Variants in CHCHD3 observed in about 807,000 individuals in gnomAD.
CHCHD3 encodes coiled-coil-helix-coiled-coil-helix domain containing 3.
Under a neutral mutation model 38.2 loss-of-function variants are expected in CHCHD3, and 20 were observed. That is an observed-to-expected ratio of 0.52 (90% CI 0.37 to 0.76). CHCHD3 has a LOEUF of 0.76. CHCHD3 is among the 30% of genes least tolerant of loss of function. The pLI, the probability that CHCHD3 is intolerant of heterozygous loss-of-function variation, is 0.00. For missense variants in CHCHD3, 245 were observed against 279.2 expected, an observed-to-expected ratio of 0.88 and a Z score of 0.87; for synonymous variants, 82 against 100.0, an observed-to-expected ratio of 0.82 and a Z score of 1.07.
intron 3 of CHCHD3, among the ~76,000 whole-genome samples, chr7:133,018,739 C>G (rs1254495612): frequency 6.6e-6 from 1 of 151,774 alleles, no homozygotes; most frequent in Non-Finnish European, 1.5e-5. Context: ...AGATATATGC[C>G]CACATACATA....
chr7:132,911,432 C>A (rs1318902343), intron 4 of CHCHD3, among the ~76,000 whole-genome samples: 1 of 152,176 alleles, frequency 6.6e-6, no homozygotes, highest in Non-Finnish European at 1.5e-5. Context: ...CTGTTCCCAG[C>A]AACCACCAGA....
intron 4 of CHCHD3, among the ~76,000 whole-genome samples, chr7:132,894,577 TC>T (rs1313791845): frequency 9.8e-5 from 15 of 152,320 alleles, no homozygotes; most frequent in Admixed American, 9.8e-4. Context: ...ACTACTCCTC[TC>T]CTTAACTGTA....
intron 4 of CHCHD3, among the ~76,000 whole-genome samples, chr7:132,921,603 A>T (rs1335665854): frequency 6.6e-6 from 1 of 151,758 alleles, no homozygotes; most frequent in Non-Finnish European, 1.5e-5. Context: ...CCTTTATTAA[A>T]TACAAAACAG....
chr7:132,821,045 A>G lies in CHCHD3; in HGVS notation c.524+17354T>C, dbSNP rs376849376. On this transcript the variant is annotated intron_variant, in intron 6 of 7. Transcript: ENST00000262570. The stretch of plus-strand genomic sequence containing the variant: ...AACTGTTGGTTAATAATTTGACAGA[A>G]AGCATTTACCTTTAAACACATGCTT... Among the ~76,000 whole-genome samples the G allele has an allele frequency of 7.7e-4, 117 of 152,294 alleles. 2 individuals are homozygous for G. The South Asian group carries it at 0.024, about 31-fold the overall frequency.
intron 3 of CHCHD3, among the ~76,000 whole-genome samples, chr7:132,982,397 G>A (rs2117346850): frequency 6.6e-6 from 1 of 152,268 alleles, no homozygotes; most frequent in Non-Finnish European, 1.5e-5. Flanking sequence ...CGATTCTCCT[G>A]CCTCAGTCTC....
chr7:132,844,292 G>A (rs1246413033), intron 5 of CHCHD3, among the ~76,000 whole-genome samples: 1 of 152,016 alleles, frequency 6.6e-6, no homozygotes, highest in East Asian at 1.9e-4. Flanking sequence ...AGCAAGACCT[G>A]TCTCAAAAAA....
intron 2 of CHCHD3, among the ~76,000 whole-genome samples, chr7:133,039,841 T>C (rs987881112): frequency 6.6e-6 from 1 of 152,118 alleles, no homozygotes; most frequent in Non-Finnish European, 1.5e-5. Context: ...GTGACTAAGT[T>C]CAGGCCAAGA....
At chr7:133,075,589 A>G (rs1814962332) in intron 1 of CHCHD3, among the ~76,000 whole-genome samples, 1 of 152,176 alleles carries the variant, frequency 6.6e-6, no homozygotes, top group Admixed American at 6.5e-5. Flanking sequence ...CACTCACCTG[A>G]TCTCCTCTGT....
chr7:132,922,848 T>C (rs1405521641), intron 4 of CHCHD3, among the ~76,000 whole-genome samples: 1 of 152,188 alleles, frequency 6.6e-6, no homozygotes, highest in Non-Finnish European at 1.5e-5. Flanking sequence ...TACTTCTTAC[T>C]TTTCTAAATC....
At chr7:132,858,695 G>C (rs1808406237) in intron 5 of CHCHD3, among the ~76,000 whole-genome samples, 1 of 152,132 alleles carries the variant, frequency 6.6e-6, no homozygotes, top group South Asian at 2.1e-4. Context: ...ATTTAATATT[G>C]TTTAGAATAT....
chr7:132,857,794 C>A (rs1808378826), intron 5 of CHCHD3, among the ~76,000 whole-genome samples: 1 of 152,166 alleles, frequency 6.6e-6, no homozygotes, highest in African/African-American at 2.4e-5. Flanking sequence ...CTTGGGCAAG[C>A]CACTCAATCC....
chr7:132,919,856 T>C lies in CHCHD3; in HGVS notation c.370-34111A>G, dbSNP rs191392859. Among the ~76,000 whole-genome samples the C allele has an allele frequency of 3.1e-3, 477 of 152,296 alleles. 2 individuals are homozygous for C. Among genetic ancestry groups the C allele is most frequent in the African/African-American group, 0.011 (439 of 41,554 alleles). The stretch of plus-strand genomic sequence containing the variant: ...CCATATAGCTACAAGTTGGTGTATG[T>C]TGGACAGCTGTGAGGAGTCTGACAA... On this transcript the variant is annotated intron_variant, in intron 4 of 7. Transcript: ENST00000262570.
chr7:132,859,594 C>T lies in CHCHD3; in HGVS notation c.454-21125G>A, dbSNP rs193154208. On this transcript the variant is annotated intron_variant, in intron 5 of 7. Coordinates refer to ENST00000262570, the MANE Select transcript of CHCHD3 (RefSeq NM_017812.4). ...AGCCAGAGACTTTGTTTGTAGAAGA[C>T]GCTCTTAATAATCTTTGGCTTTTGT... Among the ~76,000 whole-genome samples, 39 of 152,314 alleles carry T rather than the reference C, an allele frequency of 2.6e-4. No homozygotes were observed. The East Asian group carries it at 6.4e-3, about 25-fold the overall frequency.
chr7:132,820,636 T>A (rs549524246), intron 6 of CHCHD3, among the ~76,000 whole-genome samples: 1,877 of 135,652 alleles, frequency 0.014, 37 homozygotes, highest in African/African-American at 0.048. Context: ...TTTTTTTTTT[T>A]ATTGCCCCTA....
intron 4 of CHCHD3, among the ~76,000 whole-genome samples, chr7:132,945,600 T>G (rs1192038331): frequency 6.6e-6 from 1 of 151,828 alleles, no homozygotes; most frequent in East Asian, 1.9e-4. Context: ...AAAACACATA[T>G]GAGAGTAAGC....
chr7:132,994,083 T>A (rs1031905721), intron 3 of CHCHD3, among the ~76,000 whole-genome samples: 2 of 152,222 alleles, frequency 1.3e-5, no homozygotes, highest in Non-Finnish European at 2.9e-5. Context: ...TTAGTTCCTA[T>A]GGAAATAATT....
chr7:132,959,380 C>A (rs1811255835), intron 4 of CHCHD3, among the ~76,000 whole-genome samples: 1 of 152,050 alleles, frequency 6.6e-6, no homozygotes, highest in Non-Finnish European at 1.5e-5. Context: ...GATGTGGGGA[C>A]AAAAATGTTT....
chr7:132,837,591 T>C (rs1244813993), intron 6 of CHCHD3, among the ~76,000 whole-genome samples: 3 of 152,240 alleles, frequency 2.0e-5, no homozygotes, highest in African/African-American at 4.8e-5. Context: ...AAAGTAGTAA[T>C]TCCACCTTAG....
At chr7:132,990,267 T>C (rs1208190221) in intron 3 of CHCHD3, among the ~76,000 whole-genome samples, 1 of 152,172 alleles carries the variant, frequency 6.6e-6, no homozygotes, top group Non-Finnish European at 1.5e-5. Context: ...ATATCTATAC[T>C]CCTCCCCATG....
Sources: gnomAD v4.1 joint callset for allele counts (sites outside exome capture counted in the v4.1 genomes callset) on GRCh38, gnomAD v4.1.1 for gene constraint, MANE v1.5 for transcripts, NCBI Gene and HGNC (gene_info 2026-07-23, HGNC 2026-07-21) for gene names.